Variants in PAN3 observed in about 807,000 individuals in gnomAD.
The protein encoded by PAN3 is PAN2-PAN3 deadenylation complex subunit PAN3.
A neutral mutation model predicts 96.2 loss-of-function variants in PAN3; 19 were observed. That is an observed-to-expected ratio of 0.20 (90% CI 0.14 to 0.29). PAN3 has a LOEUF of 0.29. Ranked by LOEUF, PAN3 falls within the 10% of genes least tolerant of loss-of-function variation. The probability of loss-of-function intolerance (pLI) is 1.00; values close to 1 mark genes in which losing one functional copy is unlikely to be tolerated. For synonymous variants in PAN3, 433 were observed against 406.6 expected, an observed-to-expected ratio of 1.06 and a Z score of -0.78; for missense variants, 882 against 1,108.1, an observed-to-expected ratio of 0.80 and a Z score of 2.90.
chr13:28,211,632 T>C (rs1880045368), intron 5 of PAN3, among the ~76,000 whole-genome samples: 1 of 152,210 alleles, frequency 6.6e-6, no homozygotes, highest in South Asian at 2.1e-4. Flanking sequence ...GGCTAAACTT[T>C]ATATATTGAT....
intron 1 of PAN3, among the ~76,000 whole-genome samples, chr13:28,157,071 G>A (rs1008425067): frequency 2.7e-5 from 4 of 150,566 alleles, no homozygotes; most frequent in Non-Finnish European, 5.9e-5. Context: ...AAGACTGGTC[G>A]GGCATACACA....
chr13:28,269,690 A>G (rs549155725), intron 12 of PAN3, among the ~76,000 whole-genome samples: 1 of 152,154 alleles, frequency 6.6e-6, no homozygotes, highest in East Asian at 1.9e-4. Flanking sequence ...CATTTTTCAC[A>G]TTGTCTTGGC....
chr13:28,150,272 T>G (rs1389306000), intron 1 of PAN3, among the ~76,000 whole-genome samples: 1 of 152,148 alleles, frequency 6.6e-6, no homozygotes, highest in East Asian at 1.9e-4. Flanking sequence ...GGAAAATTAG[T>G]AAGGCAGCAT....
At chr13:28,192,957 G>A (rs149507529) in intron 4 of PAN3, among the ~76,000 whole-genome samples, 7 of 152,074 alleles carry the variant, frequency 4.6e-5, no homozygotes, top group African/African-American at 1.7e-4. Context: ...GCTTATAATG[G>A]TACCTTAAAT....
intron 5 of PAN3, among the ~76,000 whole-genome samples, chr13:28,205,226 T>G (rs1385023934): frequency 6.6e-6 from 1 of 152,158 alleles, no homozygotes; most frequent in Non-Finnish European, 1.5e-5. Context: ...AGGCTTTTGA[T>G]GCAATGGATT....
chr13:28,215,066 T>A, intron 5 of PAN3: 2 of 992,414 alleles, frequency 2.0e-6, no homozygotes, highest in Non-Finnish European at 3.2e-6. Context: ...TTGGCTACAA[T>A]CCTGACACAG....
At chr13:28,243,829 C>A (rs965436225) in intron 6 of PAN3, among the ~76,000 whole-genome samples, 7 of 152,152 alleles carry the variant, frequency 4.6e-5, no homozygotes, top group African/African-American at 1.7e-4. Context: ...GCTGGGATTA[C>A]AGGTGTGCGC....
At chr13:28,258,132 T>C (rs985639102) in intron 7 of PAN3, among the ~76,000 whole-genome samples, 3 of 152,084 alleles carry the variant, frequency 2.0e-5, no homozygotes, top group African/African-American at 7.2e-5. Context: ...CTATGCTATC[T>C]TATGTAAGGA....
chr13:28,274,696 G>A (rs1470378463), intron 14 of PAN3, among the ~76,000 whole-genome samples: 3 of 151,862 alleles, frequency 2.0e-5, no homozygotes, highest in African/African-American at 7.3e-5. Flanking sequence ...CATAAAATCA[G>A]GCAACCTTCA....
intron 6 of PAN3, among the ~76,000 whole-genome samples, chr13:28,231,834 C>T (rs1882587570): frequency 2.0e-5 from 3 of 152,080 alleles, no homozygotes; most frequent in Non-Finnish European, 4.4e-5. Context: ...CTCAGGAGTT[C>T]AAGGCTGGAG....
intron 17 of PAN3, among the ~76,000 whole-genome samples, chr13:28,286,858 T>C (rs553149960): frequency 3.4e-4 from 51 of 152,166 alleles, no homozygotes; most frequent in Non-Finnish European, 6.9e-4. Flanking sequence ...ATGGTGAACT[T>C]CTCCTCTGGT....
chr13:28,212,197 C>T (rs985425629), intron 5 of PAN3, among the ~76,000 whole-genome samples: 5 of 152,130 alleles, frequency 3.3e-5, no homozygotes, highest in African/African-American at 1.2e-4. Flanking sequence ...TTCTCACTGG[C>T]CAACGTGGAA....
At chr13:28,224,235 A>G (rs1402237138) in intron 6 of PAN3, among the ~76,000 whole-genome samples, 1 of 152,186 alleles carries the variant, frequency 6.6e-6, no homozygotes, top group Non-Finnish European at 1.5e-5. Flanking sequence ...TTTCCCGAGT[A>G]TTTTTAATAG....
chr13:28,217,113 C>CAAA (rs59698303), intron 5 of PAN3, among the ~76,000 whole-genome samples: 1 of 115,132 alleles, frequency 8.7e-6, no homozygotes, highest in Non-Finnish European at 2.0e-5. Context: ...AACTCTGTCT[C>CAAA]AAAAAAAAAA....
intron 1 of PAN3, among the ~76,000 whole-genome samples, chr13:28,146,300 GTCTCTCTCTC>G (rs71086834): frequency 1.5e-4 from 22 of 143,508 alleles, no homozygotes; most frequent in Admixed American, 7.8e-4. Context: ...CTCTTTCTCT[GTCTCTCTCTC>G]TCTCTCTCTC....
intron 6 of PAN3, among the ~76,000 whole-genome samples, chr13:28,248,282 T>A (rs1201952313): frequency 6.6e-6 from 1 of 152,216 alleles, no homozygotes; most frequent in South Asian, 2.1e-4. Flanking sequence ...CCTGAAACTT[T>A]TACTAAGTTT....
intron 17 of PAN3, among the ~76,000 whole-genome samples, chr13:28,282,894 T>C (rs1393125920): frequency 6.6e-6 from 1 of 152,138 alleles, no homozygotes; most frequent in Non-Finnish European, 1.5e-5. Context: ...ATTTATTTAT[T>C]TATTTATTTA....
intron 12 of PAN3, 53 bp downstream of exon 12, chr13:28,267,454 G>C: frequency 7.2e-7 from 1 of 1,398,200 alleles, no homozygotes; most frequent in Non-Finnish European, 1.0e-6. Context: ...TTGCTCTGTG[G>C]AAGAGTAGTT....
At chr13:28,270,903 C>G (rs369602268) in intron 13 of PAN3, 37 bp downstream of exon 13, 1 of 1,580,102 alleles carries the variant, frequency 6.3e-7, no homozygotes, top group African/African-American at 1.4e-5. Flanking sequence ...TTTTATTGAG[C>G]GTCTTACCTT....
Sources: gnomAD v4.1 joint callset for allele counts (sites outside exome capture counted in the v4.1 genomes callset) on GRCh38, gnomAD v4.1.1 for gene constraint, MANE v1.5 for transcripts, NCBI Gene and HGNC (gene_info 2026-07-23, HGNC 2026-07-21) for gene names.